Variants in PPP4R4 observed in about 807,000 individuals in gnomAD.
PPP4R4 encodes serine/threonine-protein phosphatase 4 regulatory subunit 4.
PPP4R4 carries 70 observed loss-of-function variants against 121.8 expected under a neutral mutation model. The ratio of observed to expected loss-of-function variants is 0.57; its 90% CI spans 0.47 to 0.70. The LOEUF (loss-of-function observed/expected upper bound fraction) is 0.70, where lower values mean the gene tolerates loss of function less well. Among genes scored for constraint, PPP4R4 ranks in the 30% least tolerant of loss-of-function variants. PPP4R4 has a pLI of 0.00. For missense variants in PPP4R4, 875 were observed against 1,033.6 expected, an observed-to-expected ratio of 0.85 and a Z score of 2.10; for synonymous variants, 348 against 355.7, an observed-to-expected ratio of 0.98 and a Z score of 0.24.
At chr14:94,227,096 C>T (rs1025782584) in intron 3 of PPP4R4, among the ~76,000 whole-genome samples, 3 of 152,192 alleles carry the variant, frequency 2.0e-5, no homozygotes, top group Non-Finnish European at 4.4e-5. Context: ...GTGTCTACTG[C>T]ACTTTCCTTC....
intron 2 of PPP4R4, among the ~76,000 whole-genome samples, chr14:94,192,731 C>T (rs1889666326): frequency 6.6e-6 from 1 of 152,090 alleles, no homozygotes; most frequent in South Asian, 2.1e-4. Flanking sequence ...GATTATGTCA[C>T]GTCATCATTT....
intron 2 of PPP4R4, among the ~76,000 whole-genome samples, chr14:94,177,856 T>C (rs1888761505): frequency 6.6e-6 from 1 of 152,244 alleles, no homozygotes; most frequent in South Asian, 2.1e-4. Context: ...AGATGGGCCC[T>C]CTCATTCTTG....
chr14:94,257,299 A>G (rs1233048886), intron 17 of PPP4R4, among the ~76,000 whole-genome samples: 1 of 152,096 alleles, frequency 6.6e-6, no homozygotes, highest in Non-Finnish European at 1.5e-5. Context: ...GTTTATGCTG[A>G]ATATATAACT....
chr14:94,259,071 G>A (rs2139623340), intron 18 of PPP4R4, among the ~76,000 whole-genome samples: 1 of 152,260 alleles, frequency 6.6e-6, no homozygotes, highest in South Asian at 2.1e-4. Context: ...GATCTCGAGA[G>A]ACTCATTCAC....
chr14:94,251,733 T>G lies in PPP4R4; in HGVS notation c.1718-16T>G. 5.9e-6 allele frequency: 9 copies of G among 1,515,082 alleles called. No individual in the cohort carries two copies. The highest frequency in any genetic ancestry group is 8.0e-6 in the Non-Finnish European group (9 of 1,130,798). The allele number at this position is 1,515,082 out of a possible 1,614,324, so 93.9% of individuals were successfully genotyped here. ...AGGAAAAATTAACTTAAGATAATTT[T>G]TGTTGTTGTTTCTAGAATTGGGCCA... On this transcript the variant is annotated splice_polypyrimidine_tract_variant and intron_variant, in intron 15 of 24. Transcript: ENST00000304338.
At chr14:94,219,894 T>A (rs1891292200) in intron 3 of PPP4R4, among the ~76,000 whole-genome samples, 1 of 152,100 alleles carries the variant, frequency 6.6e-6, no homozygotes, top group East Asian at 1.9e-4. Context: ...CCAACAGTTT[T>A]AGTCTAGTCT....
chr14:94,232,883 C>A (rs1026252806), intron 5 of PPP4R4, among the ~76,000 whole-genome samples: 1 of 151,986 alleles, frequency 6.6e-6, no homozygotes, highest in African/African-American at 2.4e-5. Flanking sequence ...ACGGTGAAAC[C>A]CCGTCTCTAC....
At position 94,275,323 on chromosome 14, in the gene PPP4R4, C is replaced by A. The variant is rs542720705; in HGVS notation, c.2450-51C>A. ...TTAACCTTTTCTTCTCTTTGGTTAC[C>A]CTCTTTGTTAGTATATTTGGTATGT... On this transcript the variant is annotated intron_variant, in intron 23 of 24. Coordinates refer to ENST00000304338, the MANE Select transcript of PPP4R4 (RefSeq NM_058237.2). 2.0e-5 allele frequency: 32 copies of A among 1,576,532 alleles called. No homozygotes were observed. In the South Asian group the frequency reaches 3.6e-4, roughly 18 times the overall value.
rs760486863 is a variant in PPP4R4, at chr14:94,229,391, C to T, written c.295-1196C>T. ...ATGACCCCACAGTTTTTGGGCTGAG[C>T]AGCTGGAATGGCAGAGATGACATTT... On this transcript the variant is annotated intron_variant, in intron 3 of 24. Transcript: ENST00000304338. Among the ~76,000 whole-genome samples, 14 of 151,910 alleles carry T rather than the reference C, an allele frequency of 9.2e-5. 1 individual carries two copies. The highest frequency in any genetic ancestry group is 1.9e-4 in the Non-Finnish European group (13 of 67,980).
chr14:94,221,613 G>T (rs1438499465), intron 3 of PPP4R4, among the ~76,000 whole-genome samples: 1 of 151,992 alleles, frequency 6.6e-6, no homozygotes, highest in African/African-American at 2.4e-5. Context: ...TTAGTCATTA[G>T]GACAATGTGA....
intron 1 of PPP4R4, chr14:94,175,778 C>A: frequency 2.1e-6 from 1 of 469,614 alleles, no homozygotes; most frequent in South Asian, 3.6e-5. Context: ...AGCCAAGGTT[C>A]TGAAGCCACG....
intron 2 of PPP4R4, among the ~76,000 whole-genome samples, chr14:94,193,573 G>T (rs1046549854): frequency 2.6e-5 from 4 of 152,144 alleles, no homozygotes; most frequent in Non-Finnish European, 5.9e-5. Flanking sequence ...TTAAAGTAAG[G>T]TTATTGGCGA....
At chr14:94,210,528 T>G (rs754151615) in intron 3 of PPP4R4, among the ~76,000 whole-genome samples, 8 of 152,040 alleles carry the variant, frequency 5.3e-5, no homozygotes, top group Non-Finnish European at 1.2e-4. Flanking sequence ...TAAGGAAACC[T>G]TTATTTATAT....
At chr14:94,178,117 A>G (rs184502750) in intron 2 of PPP4R4, among the ~76,000 whole-genome samples, 1 of 152,288 alleles carries the variant, frequency 6.6e-6, no homozygotes, top group Admixed American at 6.5e-5. Context: ...CCTGGGATTC[A>G]GGGGAGGGGA....
At chr14:94,243,954 C>T (rs1221019171) in intron 11 of PPP4R4, among the ~76,000 whole-genome samples, 1 of 150,618 alleles carries the variant, frequency 6.6e-6, no homozygotes, top group East Asian at 2.0e-4. Flanking sequence ...AATTTTAAAA[C>T]ACTTTCTTTA....
rs373833626 is a variant in PPP4R4, at chr14:94,265,820, A to G, written c.2311A>G (p.Ile771Val). 9 of 1,608,838 alleles carry G rather than the reference A, an allele frequency of 5.6e-6. No individual in the cohort carries two copies. Among genetic ancestry groups the G allele is most frequent in the Non-Finnish European group, 7.6e-6 (9 of 1,176,694 alleles). Reference protein sequence around the residue: ...TSKEIKKSKLIRSQSFNNQAF... With the variant: ...TSKEIKKSKLVRSQSFNNQAF... ...TAAAGAAATCAAGAAATCCAAACTG[A>G]TTCGAAGCCAGTCTTTTAATAATCA... is the stretch of plus-strand genomic sequence containing the variant. The change falls in exon 22 of 25, where the codon ATT (isoleucine) becomes GTT (valine). Residue 771 changes from isoleucine (I) to valine (V), a missense_variant. Transcript: ENST00000304338.
intron 16 of PPP4R4, among the ~76,000 whole-genome samples, chr14:94,252,590 CATT>C (rs562855638): frequency 1.7e-3 from 262 of 152,062 alleles, no homozygotes; most frequent in African/African-American, 6.1e-3. Flanking sequence ...AGTACATGCA[CATT>C]ATTAAGAGCT....
At chr14:94,259,421 TG>T (rs1226698936) in intron 19 of PPP4R4, 52 bp downstream of exon 19, 1 of 1,449,706 alleles carries the variant, frequency 6.9e-7, no homozygotes, top group African/African-American at 1.5e-5. Flanking sequence ...TTAATAACTG[TG>T]TTTTTTTATT....
intron 18 of PPP4R4, 133 bp from the exon 19 acceptor site, chr14:94,259,162 T>G: frequency 1.4e-6 from 2 of 1,409,360 alleles, no homozygotes; most frequent in Non-Finnish European, 9.5e-7. Flanking sequence ...CATGTGGGAA[T>G]TAGGGGAGCT....
Sources: allele counts gnomAD v4.1 joint callset (sites outside exome capture counted in the v4.1 genomes callset), GRCh38; gene constraint gnomAD v4.1.1; transcripts MANE v1.5; gene names NCBI Gene and HGNC (gene_info 2026-07-23, HGNC 2026-07-21).